Variants in SDK1 observed in about 807,000 individuals in gnomAD.
SDK1 encodes the protein sidekick cell adhesion molecule 1.
A neutral mutation model predicts 245.5 loss-of-function variants in SDK1; 157 were observed. The observed-to-expected ratio is 0.64, with a 90% CI of 0.56 to 0.73. SDK1 has a LOEUF of 0.73. SDK1 is among the 30% of genes least tolerant of loss of function. SDK1 has a pLI of 0.00. For missense variants in SDK1, 3,583 were observed against 3,002.3 expected, an observed-to-expected ratio of 1.19 and a Z score of -4.52; for synonymous variants, 1,647 against 1,278.5, an observed-to-expected ratio of 1.29 and a Z score of -6.15.
intron 37 of SDK1, among the ~76,000 whole-genome samples, chr7:4,208,542 CT>C (rs1784360053): frequency 6.6e-6 from 1 of 152,200 alleles, no homozygotes; most frequent in African/African-American, 2.4e-5. Context: ...TCCCAGAGCC[CT>C]GGAGATTCAG....
Position 3,855,950 on chromosome 7 carries a change from C to G in SDK1, c.847+34367C>G, listed in dbSNP as rs1182810085. ...TGAAAGAATTAATAAATGATGTACTCCAGCAGTAAAAAAGCTGCATAAAAA... is the reference window on the plus strand; with the variant it reads ...TGAAAGAATTAATAAATGATGTACTGCAGCAGTAAAAAAGCTGCATAAAAA... On this transcript the variant is annotated intron_variant, in intron 5 of 44. Coordinates refer to ENST00000404826, the MANE Select transcript of SDK1 (RefSeq NM_152744.4). Among the ~76,000 whole-genome samples, 3 of 152,070 alleles carry G rather than the reference C, an allele frequency of 2.0e-5. No individual in the cohort carries two copies. The South Asian group carries it at 6.2e-4, about 32-fold the overall frequency.
intron 35 of SDK1, among the ~76,000 whole-genome samples, chr7:4,185,262 G>A (rs1413792657): frequency 6.6e-6 from 1 of 152,194 alleles, no homozygotes; most frequent in African/African-American, 2.4e-5. Flanking sequence ...GTGTCTATGG[G>A]TTCCTCAGCA....
intron 1 of SDK1, among the ~76,000 whole-genome samples, chr7:3,491,075 T>C (rs1180775440): frequency 1.3e-5 from 2 of 152,232 alleles, no homozygotes; most frequent in Non-Finnish European, 2.9e-5. Context: ...TGTTATCCCA[T>C]TTTATAGATT....
At chr7:3,715,658 C>G (rs1785179108) in intron 4 of SDK1, among the ~76,000 whole-genome samples, 1 of 152,170 alleles carries the variant, frequency 6.6e-6, no homozygotes, top group Non-Finnish European at 1.5e-5. Context: ...ATACCCTAAA[C>G]CCATCAGGCA....
intron 1 of SDK1, among the ~76,000 whole-genome samples, chr7:3,562,369 A>C (rs936613454): frequency 2.0e-5 from 3 of 152,188 alleles, no homozygotes; most frequent in South Asian, 2.1e-4. Flanking sequence ...AAGTGTAAAA[A>C]TTTGCCTAGG....
intron 19 of SDK1, among the ~76,000 whole-genome samples, chr7:4,056,635 A>G (rs571396763): frequency 6.1e-4 from 93 of 152,210 alleles, no homozygotes; most frequent in African/African-American, 2.0e-3. Flanking sequence ...GCCACAGGAA[A>G]GCCCCTCAAA....
chr7:3,675,652 C>T (rs73300240), intron 4 of SDK1, among the ~76,000 whole-genome samples: 3,943 of 152,126 alleles, frequency 0.026, 152 homozygotes, highest in African/African-American at 0.089. Context: ...TAGCTCACTG[C>T]GGCCTGGAAC....
chr7:3,990,370 G>T (rs1458506677), intron 14 of SDK1, among the ~76,000 whole-genome samples: 1 of 152,254 alleles, frequency 6.6e-6, no homozygotes, highest in Non-Finnish European at 1.5e-5. Flanking sequence ...TTTCCTCCCA[G>T]AGATGGGGCA....
chr7:3,979,339 C>T (rs893373065), intron 13 of SDK1, among the ~76,000 whole-genome samples: 1 of 152,208 alleles, frequency 6.6e-6, no homozygotes, highest in Non-Finnish European at 1.5e-5. Context: ...CTGTTCCCCC[C>T]TTTCCTAACA....
chr7:3,449,826 A>G (rs936061461), intron 1 of SDK1, among the ~76,000 whole-genome samples: 1 of 152,216 alleles, frequency 6.6e-6, no homozygotes, highest in African/African-American at 2.4e-5. Flanking sequence ...GGGAATAAAG[A>G]TGAAGGGTGT....
chr7:3,595,791 G>A (rs1157576015), intron 1 of SDK1, among the ~76,000 whole-genome samples: 1 of 116,740 alleles, frequency 8.6e-6, no homozygotes, highest in Admixed American at 1.2e-4. Flanking sequence ...TAGTGCCACT[G>A]CACTCCAGCC....
chr7:3,834,761 G>A (rs190333615), intron 5 of SDK1, among the ~76,000 whole-genome samples: 5 of 152,248 alleles, frequency 3.3e-5, no homozygotes, highest in East Asian at 3.9e-4. Context: ...GCTTATTTCC[G>A]CAAGCCACGG....
intron 5 of SDK1, among the ~76,000 whole-genome samples, chr7:3,836,338 C>G (rs1020307263): frequency 1.3e-5 from 2 of 152,172 alleles, no homozygotes; most frequent in African/African-American, 4.8e-5. Context: ...AACTTATACA[C>G]ATATACATAA....
chr7:3,960,130 C>G (rs1403941649), intron 8 of SDK1, among the ~76,000 whole-genome samples: 1 of 152,204 alleles, frequency 6.6e-6, no homozygotes, highest in African/African-American at 2.4e-5. Flanking sequence ...AAAACAGCTC[C>G]TAAAAGAGAG....
intron 2 of SDK1, among the ~76,000 whole-genome samples, chr7:3,622,860 A>G (rs1255229324): frequency 6.6e-6 from 1 of 152,110 alleles, no homozygotes. Flanking sequence ...AGGGCCTCAG[A>G]CACTTAGATG....
intron 35 of SDK1, among the ~76,000 whole-genome samples, chr7:4,188,679 CAA>C (rs61628512): frequency 4.4e-5 from 6 of 136,374 alleles, no homozygotes; most frequent in African/African-American, 2.7e-5. Flanking sequence ...ACTCTTTCAT[CAA>C]AAAAAAAAAG....
chr7:3,973,259 T>G (rs1013722778), intron 12 of SDK1, among the ~76,000 whole-genome samples: 2 of 152,200 alleles, frequency 1.3e-5, no homozygotes, highest in Non-Finnish European at 1.5e-5. Flanking sequence ...CTGTTCTATC[T>G]CAGGGTAATT....
rs189212129 is a variant in SDK1 at position 3,667,569 on chromosome 7, C to T, written c.713+25464C>T. ...CATAAAATATAAAATAGTTCTATCACCGCCCAAATTCTCCCACACTCCATT... is the reference window on the plus strand; with the variant it reads ...CATAAAATATAAAATAGTTCTATCATCGCCCAAATTCTCCCACACTCCATT... On this transcript the variant is annotated intron_variant, in intron 4 of 44. Transcript: ENST00000404826. Among the ~76,000 whole-genome samples, 587 of 152,312 alleles carry T rather than the reference C, an allele frequency of 3.9e-3. 1 individual carries two copies. Among genetic ancestry groups the T allele is most frequent in the Non-Finnish European group, 6.3e-3 (426 of 68,036 alleles).
rs73672174 is a variant in SDK1 at position 3,778,804 on chromosome 7, G to A, written c.714-42646G>A. 5.5e-3 allele frequency among the ~76,000 whole-genome samples: 838 copies of A among 152,298 alleles called. 9 individuals are homozygous for A. The highest frequency in any genetic ancestry group is 0.019 in the African/African-American group (801 of 41,566). ...AAACTGAATAAGGTTGAAGGGCCCTGCAGGGTCGATTTCAAAGTGCTTCAA... is the reference window on the plus strand; with the variant it reads ...AAACTGAATAAGGTTGAAGGGCCCTACAGGGTCGATTTCAAAGTGCTTCAA... On this transcript the variant is annotated intron_variant, in intron 4 of 44. Coordinates refer to ENST00000404826, the MANE Select transcript of SDK1 (RefSeq NM_152744.4).
Sources: allele counts gnomAD v4.1 joint callset (sites outside exome capture counted in the v4.1 genomes callset), GRCh38; gene constraint gnomAD v4.1.1; transcripts MANE v1.5; gene names NCBI Gene and HGNC (gene_info 2026-07-23, HGNC 2026-07-21).